The following SEMA5A variants were observed in gnomAD, a reference collection of about 807,000 sequenced individuals.
The protein encoded by SEMA5A is semaphorin 5A, also known as semaphorin-5A.
SEMA5A carries 55 observed loss-of-function variants against 135.5 expected under a neutral mutation model. That is an observed-to-expected ratio of 0.41 (90% confidence interval 0.33 to 0.51). SEMA5A has a LOEUF of 0.51. Ranked by LOEUF, SEMA5A falls within the 20% of genes least tolerant of loss-of-function variation. The probability of loss-of-function intolerance (pLI) is 0.37; values close to 1 mark genes in which losing one functional copy is unlikely to be tolerated. For missense variants in SEMA5A, 1,290 were observed against 1,419.9 expected (o/e 0.91, Z 1.47); for synonymous variants, 580 against 546.5 (o/e 1.06, Z -0.85).
intron 16 of SEMA5A, among the ~76,000 whole-genome samples, chr5:9,097,670 T>G (rs1475516174): frequency 6.6e-6 from 1 of 152,158 alleles, no homozygotes; most frequent in African/African-American, 2.4e-5. Flanking sequence ...GGTTTCAGAT[T>G]GGGATCCTGG....
At chr5:9,394,860 T>C (rs1756320318) in intron 2 of SEMA5A, among the ~76,000 whole-genome samples, 1 of 152,272 alleles carries the variant, frequency 6.6e-6, no homozygotes, top group Admixed American at 6.5e-5. Context: ...ATACTGAGTT[T>C]ATAAATTCAA....
intron 2 of SEMA5A, chr5:9,380,289 C>T: frequency 4.4e-6 from 1 of 225,168 alleles, no homozygotes; most frequent in Non-Finnish European, 8.9e-6. Context: ...ACGAGAAATG[C>T]TCAAGCTTAA....
intron 12 of SEMA5A, among the ~76,000 whole-genome samples, chr5:9,143,369 A>C (rs1742166791): frequency 1.4e-5 from 1 of 74,022 alleles, no homozygotes; most frequent in African/African-American, 4.6e-5. Context: ...ATTAACTTTT[A>C]ATACTTTTCA....
At chr5:9,353,199 A>G (rs1335418209) in intron 3 of SEMA5A, among the ~76,000 whole-genome samples, 26 of 122,838 alleles carry the variant, frequency 2.1e-4, no homozygotes, top group Non-Finnish European at 3.4e-4. Context: ...GGGAAAGGAA[A>G]GGAAAGGAAA....
At chr5:9,082,182 G>T (rs982435033) in intron 16 of SEMA5A, among the ~76,000 whole-genome samples, 1 of 152,286 alleles carries the variant, frequency 6.6e-6, no homozygotes, top group South Asian at 2.1e-4. Context: ...TTTAAAAACT[G>T]AAAATAGGGG....
chr5:9,491,538 C>T (rs1398293726), intron 1 of SEMA5A, among the ~76,000 whole-genome samples: 2 of 151,898 alleles, frequency 1.3e-5, no homozygotes, highest in East Asian at 3.9e-4. Flanking sequence ...GATGCAAATG[C>T]AGGCAAAACA....
chr5:9,446,861 C>G (rs192724415), intron 1 of SEMA5A, among the ~76,000 whole-genome samples: 1 of 152,114 alleles, frequency 6.6e-6, no homozygotes, highest in Non-Finnish European at 1.5e-5. Context: ...AAAAAAAGGG[C>G]TGGGTTCTTA....
At chr5:9,043,497 G>T (rs1736073449) in intron 22 of SEMA5A, among the ~76,000 whole-genome samples, 1 of 152,162 alleles carries the variant, frequency 6.6e-6, no homozygotes, top group Non-Finnish European at 1.5e-5. Context: ...TGCCTTAATT[G>T]CTTTTCATCC....
At chr5:9,525,032 T>C (rs1737051508) in intron 1 of SEMA5A, among the ~76,000 whole-genome samples, 1 of 152,214 alleles carries the variant, frequency 6.6e-6, no homozygotes. Context: ...TTGAATCATA[T>C]GAAATTGCCA....
At chr5:9,390,960 G>T (rs907292542) in intron 2 of SEMA5A, 5 of 152,148 alleles carry the variant, frequency 3.3e-5, no homozygotes, top group African/African-American at 9.7e-5. Flanking sequence ...ACTCAAGGAG[G>T]TCCCATTTCC....
intron 3 of SEMA5A, among the ~76,000 whole-genome samples, chr5:9,340,444 A>G (rs972701618): frequency 7.9e-5 from 12 of 152,198 alleles, no homozygotes; most frequent in Non-Finnish European, 1.3e-4. Context: ...CTCTTTTCCC[A>G]TGCATTCATC....
intron 6 of SEMA5A, among the ~76,000 whole-genome samples, chr5:9,228,143 C>A (rs1439504892): frequency 6.6e-6 from 1 of 152,096 alleles, no homozygotes; most frequent in African/African-American, 2.4e-5. Context: ...AGGATCATGA[C>A]AATTACCACA....
At chr5:9,312,986 G>A (rs1752211935) in intron 5 of SEMA5A, among the ~76,000 whole-genome samples, 2 of 152,144 alleles carry the variant, frequency 1.3e-5, no homozygotes, top group African/African-American at 4.8e-5. Flanking sequence ...GAGGAGTGGA[G>A]AGGGTGCACT....
At chr5:9,451,233 T>A (rs1238810038) in intron 1 of SEMA5A, among the ~76,000 whole-genome samples, 1 of 152,160 alleles carries the variant, frequency 6.6e-6, no homozygotes, top group Non-Finnish European at 1.5e-5. Flanking sequence ...ACACATCCCG[T>A]CAGAGAAACC....
chr5:9,086,659 A>C (rs997032323), intron 16 of SEMA5A, among the ~76,000 whole-genome samples: 4 of 152,220 alleles, frequency 2.6e-5, no homozygotes, highest in Admixed American at 2.6e-4. Flanking sequence ...TACCTACCAA[A>C]GCCTGGAGCA....
chr5:9,163,345 T>A (rs909147608), intron 11 of SEMA5A, among the ~76,000 whole-genome samples: 1 of 152,186 alleles, frequency 6.6e-6, no homozygotes, highest in Non-Finnish European at 1.5e-5. Context: ...TAAATCACTA[T>A]TTGCTATATA....
chr5:9,080,421 A>G (rs1190567717), intron 16 of SEMA5A, among the ~76,000 whole-genome samples: 1 of 152,050 alleles, frequency 6.6e-6, no homozygotes, highest in Non-Finnish European at 1.5e-5. Context: ...GAGGTATAGC[A>G]TTAGGAGAAA....
intron 20 of SEMA5A, 121 bp downstream of exon 20, chr5:9,051,752 G>T: frequency 8.2e-7 from 1 of 1,219,624 alleles, no homozygotes; most frequent in South Asian, 1.4e-5. Context: ...GAAACCATGG[G>T]GCTTGATGGA....
chr5:9,178,314 T>TC (rs1744313098), intron 11 of SEMA5A, among the ~76,000 whole-genome samples: 1 of 149,552 alleles, frequency 6.7e-6, no homozygotes, highest in South Asian at 2.1e-4. Flanking sequence ...AAGCTCTCTT[T>TC]CTTTTTTTTT....
Sources: gnomAD v4.1 joint callset for allele counts (sites outside exome capture counted in the v4.1 genomes callset) on GRCh38, gnomAD v4.1.1 for gene constraint, MANE v1.5 for transcripts, NCBI Gene and HGNC (gene_info 2026-07-23, HGNC 2026-07-21) for gene names.